The following MAGI2 variants were observed in gnomAD, a reference collection of about 807,000 sequenced individuals.
MAGI2 encodes the protein membrane associated guanylate kinase, WW and PDZ domain containing 2.
Under a neutral mutation model 133.3 loss-of-function variants are expected in MAGI2, and 35 were observed. That is an observed-to-expected ratio of 0.26 (90% CI 0.20 to 0.35). The LOEUF is 0.35. MAGI2 is among the 10% of genes least tolerant of loss of function. The pLI, the probability that MAGI2 is intolerant of heterozygous loss-of-function variation, is 1.00. For synonymous variants in MAGI2, 729 were observed against 710.6 expected (o/e 1.03, Z -0.41); for missense variants, 1,636 against 1,863.4 (o/e 0.88, Z 2.25).
At chr7:79,228,134 A>G (rs374567211) in intron 1 of MAGI2, among the ~76,000 whole-genome samples, 2 of 151,940 alleles carry the variant, frequency 1.3e-5, no homozygotes, top group African/African-American at 4.8e-5. Flanking sequence ...ACTTGAGGCC[A>G]GGAGTTCAAG....
intron 2 of MAGI2, among the ~76,000 whole-genome samples, chr7:78,754,443 A>C (rs1340633614): frequency 6.6e-6 from 1 of 152,154 alleles, no homozygotes; most frequent in Non-Finnish European, 1.5e-5. Context: ...GTTATTAATA[A>C]GCCCAAGTAA....
At chr7:78,950,145 T>C (rs1347194549) in intron 2 of MAGI2, among the ~76,000 whole-genome samples, 2 of 152,164 alleles carry the variant, frequency 1.3e-5, no homozygotes, top group African/African-American at 4.8e-5. Flanking sequence ...GGCTGATGAT[T>C]CTCCTGGTCT....
At chr7:78,218,887 T>G (rs968132395) in intron 10 of MAGI2, among the ~76,000 whole-genome samples, 12 of 152,202 alleles carry the variant, frequency 7.9e-5, no homozygotes, top group African/African-American at 2.9e-4. Context: ...CAACAGCGCC[T>G]CTTCACAGCT....
At position 78,255,407 on chromosome 7, in the gene MAGI2, C is replaced by T. The variant is rs531879071; in HGVS notation, c.2047+536G>A. 1.5e-5 allele frequency: 3 copies of T among 194,946 alleles called. No homozygotes were observed. The East Asian group carries it at 5.2e-4, about 34-fold the overall frequency. 12.1% of individuals were successfully genotyped at this position (194,946 alleles called of 1,614,324 possible). A position where few individuals can be genotyped will look rare whatever the true frequency, so the allele number is the denominator to read the frequency against. On this transcript the variant is annotated intron_variant, in intron 10 of 21. Transcript: ENST00000354212. Reference sequence around the variant, plus strand: ...AGAAGTGTCCTGAACAGCATCATTCCAAACTGTGAAAAGATTTTTCTACAG... The same window carrying T: ...AGAAGTGTCCTGAACAGCATCATTCTAAACTGTGAAAAGATTTTTCTACAG...
At chr7:79,395,447 C>T (rs1452180990) in intron 1 of MAGI2, among the ~76,000 whole-genome samples, 1 of 152,044 alleles carries the variant, frequency 6.6e-6, no homozygotes, top group Non-Finnish European at 1.5e-5. Context: ...TATCATCATC[C>T]CGTAACGTGA....
intron 3 of MAGI2, chr7:78,618,454 G>A (rs1247678843): frequency 6.6e-6 from 1 of 151,934 alleles, no homozygotes; most frequent in African/African-American, 2.4e-5. Flanking sequence ...CAGAGGGTTT[G>A]AAAATATGCA....
At chr7:78,943,886 C>A (rs1386722200) in intron 2 of MAGI2, among the ~76,000 whole-genome samples, 1 of 152,108 alleles carries the variant, frequency 6.6e-6, no homozygotes, top group Non-Finnish European at 1.5e-5. Flanking sequence ...TTATTATGTG[C>A]TAGGCACTAT....
At chr7:78,825,486 G>C (rs1280704515) in intron 2 of MAGI2, among the ~76,000 whole-genome samples, 1 of 152,132 alleles carries the variant, frequency 6.6e-6, no homozygotes, top group East Asian at 1.9e-4. Flanking sequence ...TAAAACTGCA[G>C]TGTTTCATAC....
chr7:79,192,572 A>C (rs184327129), intron 1 of MAGI2, among the ~76,000 whole-genome samples: 57 of 152,000 alleles, frequency 3.8e-4, no homozygotes, highest in African/African-American at 1.4e-3. Flanking sequence ...TGAAATGATC[A>C]TCTAATCAGT....
At chr7:79,359,615 C>T (rs768942069) in intron 1 of MAGI2, among the ~76,000 whole-genome samples, 8 of 149,838 alleles carry the variant, frequency 5.3e-5, no homozygotes, top group Middle Eastern at 3.4e-3. Flanking sequence ...CATTATGGGA[C>T]GGAAAAGCCA....
chr7:79,104,073 G>A (rs1309974497), intron 1 of MAGI2, among the ~76,000 whole-genome samples: 1 of 152,134 alleles, frequency 6.6e-6, no homozygotes, highest in Non-Finnish European at 1.5e-5. Context: ...GTGCACTTAA[G>A]ATTTTAGTTC....
chr7:78,422,030 C>A (rs888911082), intron 6 of MAGI2, among the ~76,000 whole-genome samples: 1 of 152,056 alleles, frequency 6.6e-6, no homozygotes, highest in Non-Finnish European at 1.5e-5. Flanking sequence ...ATATGTTGGG[C>A]CAATTTCAAT....
At chr7:78,638,318 G>A (rs539663234) in intron 2 of MAGI2, among the ~76,000 whole-genome samples, 1 of 152,274 alleles carries the variant, frequency 6.6e-6, no homozygotes, top group African/African-American at 2.4e-5. Context: ...AGGGCAAAGT[G>A]AATGATTTCA....
chr7:79,313,803 T>C (rs1458013127), intron 1 of MAGI2, among the ~76,000 whole-genome samples: 2 of 20,656 alleles, frequency 9.7e-5, no homozygotes, highest in Non-Finnish European at 3.3e-4. Flanking sequence ...TTTAATTTAC[T>C]TTTTTTTTTT....
At chr7:78,189,342 A>C (rs11771183) in intron 12 of MAGI2, among the ~76,000 whole-genome samples, 44,400 of 152,076 alleles carry the variant, frequency 0.29, 6,570 homozygotes, top group South Asian at 0.37. Flanking sequence ...ATACTCTTGA[A>C]CTGGCGTGTG....
intron 9 of MAGI2, among the ~76,000 whole-genome samples, chr7:78,324,915 A>G (rs750212051): frequency 1.2e-4 from 18 of 152,156 alleles, no homozygotes; most frequent in Non-Finnish European, 1.3e-4. Flanking sequence ...GCAGTGAGCC[A>G]AGATCGCGCC....
chr7:78,285,477 G>A (rs1416720801), intron 9 of MAGI2, among the ~76,000 whole-genome samples: 1 of 152,052 alleles, frequency 6.6e-6, no homozygotes, highest in East Asian at 1.9e-4. Context: ...CTTGTTATGT[G>A]CCAGGCATTG....
At chr7:79,142,835 T>C (rs1822266569) in intron 1 of MAGI2, among the ~76,000 whole-genome samples, 1 of 152,154 alleles carries the variant, frequency 6.6e-6, no homozygotes, top group African/African-American at 2.4e-5. Flanking sequence ...ATGGTCCCTG[T>C]TCCACCAGCA....
intron 3 of MAGI2, among the ~76,000 whole-genome samples, chr7:78,602,471 C>A (rs1274921591): frequency 2.0e-5 from 3 of 151,302 alleles, no homozygotes; most frequent in African/African-American, 7.3e-5. Context: ...ATTAAATATT[C>A]TTTTTCTTCT....
Sources: allele counts gnomAD v4.1 joint callset (sites outside exome capture counted in the v4.1 genomes callset), GRCh38; gene constraint gnomAD v4.1.1; transcripts MANE v1.5; gene names NCBI Gene and HGNC (gene_info 2026-07-23, HGNC 2026-07-21).